HTT: variants seen among roughly 807,000 people sequenced by gnomAD.
HTT encodes huntington disease protein.
In HTT, 104 loss-of-function variants were observed where a neutral mutation model predicts 362.3. That is an observed-to-expected ratio of 0.29 (90% CI 0.24 to 0.34). The LOEUF (loss-of-function observed/expected upper bound fraction) is 0.34. HTT is among the 10% of genes least tolerant of loss of function. The pLI is 1.00. For synonymous variants in HTT, 1,577 were observed against 1,548.7 expected (o/e 1.02, Z -0.43); for missense variants, 3,301 against 3,928.6 (o/e 0.84, Z 4.27).
intron 1 of HTT, among the ~76,000 whole-genome samples, chr4:3,078,382 A>C (rs1712677819): frequency 2.0e-5 from 3 of 152,250 alleles, no homozygotes. Context: ...TAAAATATAC[A>C]GTACGTTAAT....
rs1718313469 is a variant in HTT, at chr4:3,177,977, A to C, written c.4464-321A>C. Among the ~76,000 whole-genome samples, 4 of 152,314 alleles carry C rather than the reference A, an allele frequency of 2.6e-5. No individual in the cohort carries two copies. The South Asian group carries it at 8.3e-4, about 32-fold the overall frequency. On this transcript the variant is annotated intron_variant, in intron 34 of 66. Coordinates refer to ENST00000355072, the MANE Select transcript of HTT (RefSeq NM_001388492.1). Reference sequence around the variant, plus strand: ...TGACACCTCCACTGTGTTTTGGGGCAAGTTACTGTTTCTCTTTTGAGTTTC... The same window carrying C: ...TGACACCTCCACTGTGTTTTGGGGCCAGTTACTGTTTCTCTTTTGAGTTTC...
intron 33 of HTT, among the ~76,000 whole-genome samples, chr4:3,176,243 G>A (rs1387863864): frequency 6.6e-6 from 1 of 152,074 alleles, no homozygotes; most frequent in East Asian, 1.9e-4. Context: ...TAGCCAGGAT[G>A]GTCTCCATCT....
intron 33 of HTT, among the ~76,000 whole-genome samples, chr4:3,176,412 C>T (rs990969238): frequency 5.3e-5 from 8 of 152,258 alleles, no homozygotes; most frequent in Non-Finnish European, 7.4e-5. Flanking sequence ...AAAACCTGTC[C>T]GAAGAAAATC....
chr4:3,123,139 C>G (rs1715367639), intron 10 of HTT: 1 of 410,114 alleles, frequency 2.4e-6, no homozygotes, highest in Non-Finnish European at 4.3e-6. Context: ...TTAAAAATTA[C>G]TTTCATATCA....
Position 3,218,357 on chromosome 4 carries a change from G to T in HTT, c.7242+405G>T, listed in dbSNP as rs970168424. ...GGTTTAAAGTAGGTGTTATTGCCAG[G>T]CGCAGTAGCTCATGCCTGTAATCCC... is the stretch of plus-strand genomic sequence containing the variant. On this transcript the variant is annotated intron_variant, in intron 52 of 66. Coordinates refer to ENST00000355072, the MANE Select transcript of HTT (RefSeq NM_001388492.1). This position sits in a 1 kb window ranked among gnomAD's most constrained non-coding sequence, Gnocchi z 4.4. Among the ~76,000 whole-genome samples, 1 of 152,198 alleles carries T rather than the reference G, an allele frequency of 6.6e-6. No individual in the cohort carries two copies. Among genetic ancestry groups the T allele is most frequent in the Admixed American group, 6.5e-5 (1 of 15,284 alleles).
chr4:3,214,672 TTTAAA>T (rs1170557067), intron 50 of HTT, among the ~76,000 whole-genome samples: 1 of 151,994 alleles, frequency 6.6e-6, no homozygotes, highest in Non-Finnish European at 1.5e-5. Flanking sequence ...GCTTTGTATT[TTTAAA>T]TTAAATGTTA....
At position 3,187,768 on chromosome 4, in the gene HTT, C is replaced by T. The variant is rs772331780; in HGVS notation, c.5107C>T (p.Pro1703Ser). Residue 1703 changes from proline (P) to serine (S), a missense_variant, in exon 39 of 67, where the codon CCG becomes TCG. Physicochemically the swap from Pro to Ser is moderately conservative, Grantham distance 74. Around this residue, in one of 4 missense-constraint regions of HTT, gnomAD observed 2,316 missense variants for 2,658.5 expected, o/e 0.87. Coordinates refer to ENST00000355072, the MANE Select transcript of HTT (RefSeq NM_001388492.1). Reference sequence around the variant, plus strand: ...TCGTATTCAGGAGCTCTCCTTCTCTCCGTATTTAATCTCCTGTACAGTAAT... The same window carrying T: ...TCGTATTCAGGAGCTCTCCTTCTCTTCGTATTTAATCTCCTGTACAGTAAT... ...LSRIQELSFSPYLISCTVINR... is the reference protein window; with the variant it reads ...LSRIQELSFSSYLISCTVINR... 1 of 1,612,930 alleles carries T rather than the reference C, an allele frequency of 6.2e-7. No individual in the cohort carries two copies. Among genetic ancestry groups the T allele is most frequent in the South Asian group, 1.1e-5 (1 of 91,050 alleles).
Position 3,188,960 on chromosome 4 carries a change from A to G in HTT, c.5235A>G (p.Leu1745=), listed in dbSNP as rs1036313822. The G allele has an allele frequency of 3.1e-6, 5 of 1,613,954 alleles. No individual in the cohort carries two copies. The highest frequency in any genetic ancestry group is 2.7e-5 in the African/African-American group (2 of 74,918). The change falls in exon 40 of 67, where the codon TTA becomes TTG. Residue 1745 remains leucine (L), a synonymous_variant. Coordinates refer to ENST00000355072, the MANE Select transcript of HTT (RefSeq NM_001388492.1). ...TTTTGTTTCTTGGAAGGTTTCTATT[A>G]CAACTGGTTGGTATTCTTTTAGAAG... ...LPEETFSRFL[L]QLVGILLEDI...
chr4:3,146,734 A>C (rs1200054902), intron 24 of HTT, 63 bp from the exon 25 acceptor site: 1 of 1,472,802 alleles, frequency 6.8e-7, no homozygotes, highest in Non-Finnish European at 9.5e-7. Flanking sequence ...TTGCAAGAGA[A>C]AGGAAGACTG....
intron 41 of HTT, among the ~76,000 whole-genome samples, chr4:3,202,324 A>G (rs1719621930): frequency 6.6e-6 from 1 of 152,180 alleles, no homozygotes; most frequent in Non-Finnish European, 1.5e-5. Flanking sequence ...TTGAGTTGAC[A>G]GTGGACCTTC....
rs745575339 is a variant in HTT, at chr4:3,122,908, C to G, written c.1293C>G (p.Cys431Trp). 1 of 1,611,610 alleles carries G rather than the reference C, an allele frequency of 6.2e-7. No individual in the cohort carries two copies. The highest frequency in any genetic ancestry group is 2.2e-5 in the East Asian group (1 of 44,830). ...TTGCAGCTGGAGGGGGTTCCTCATG[C>G]AGCCCTGTCCTTTCAAGAAAACAAA... ...VELIAGGGSS[C>W]SPVLSRKQKG... is the part of the protein sequence containing the mutation. Residue 431 changes from cysteine to tryptophan, a missense_variant, in exon 10 of 67, where the codon TGC (cysteine) becomes TGG (tryptophan). By Grantham distance (215) the Cys-to-Trp change is radical. This residue lies in a region of HTT where 2,316 missense variants were observed against 2,658.5 expected (regional missense o/e 0.87). Transcript: ENST00000355072.
At chr4:3,124,688 T>G (rs1715443090) in intron 10 of HTT, among the ~76,000 whole-genome samples, 1 of 152,256 alleles carries the variant, frequency 6.6e-6, no homozygotes, top group African/African-American at 2.4e-5. Context: ...GAACTTATTT[T>G]GTAATAAAGT....
chr4:3,238,095 G>C (rs1408398971), intron 64 of HTT, among the ~76,000 whole-genome samples: 1 of 150,802 alleles, frequency 6.6e-6, no homozygotes, highest in African/African-American at 2.5e-5. Flanking sequence ...CTCCTCTTAG[G>C]AGTTCTGGTC....
chr4:3,209,196 A>G (rs1720016392), intron 46 of HTT, among the ~76,000 whole-genome samples: 1 of 152,164 alleles, frequency 6.6e-6, no homozygotes, highest in African/African-American at 2.4e-5. Flanking sequence ...ACAGGCCTTC[A>G]AGCACATGTC....
chr4:3,116,258 G>C lies in HTT; in HGVS notation c.1063G>C (p.Val355Leu). 1 of 1,608,872 alleles carries C rather than the reference G, an allele frequency of 6.2e-7. No homozygotes were observed. The highest frequency in any genetic ancestry group is 8.5e-7 in the Non-Finnish European group (1 of 1,175,498). Reference sequence around the variant, plus strand: ...AGTCTCTCCTTCTGCAGAGCAGCTTGTCCAGGTAGGAGCACAGGGTTTACT... The same window carrying C: ...AGTCTCTCCTTCTGCAGAGCAGCTTCTCCAGGTAGGAGCACAGGGTTTACT... The part of the protein sequence containing the change: ...MEVSPSAEQL[V>L]QVYELTLHHT... Residue 355 changes from valine to leucine, a missense_variant, in exon 8 of 67, where the codon GTC becomes CTC. Val to Leu is a conservative substitution (Grantham distance 32). Transcript: ENST00000355072.
chr4:3,110,304 T>G (rs893314788), intron 6 of HTT, among the ~76,000 whole-genome samples: 5 of 152,194 alleles, frequency 3.3e-5, no homozygotes, highest in African/African-American at 1.2e-4. Context: ...CCTTCCAACT[T>G]CTTTGTAATA....
intron 59 of HTT, among the ~76,000 whole-genome samples, 169 bp from the exon 60 acceptor site, chr4:3,229,718 C>T (rs891873088): frequency 6.6e-6 from 1 of 152,182 alleles, no homozygotes; most frequent in African/African-American, 2.4e-5. Context: ...CACGCACCCA[C>T]ACAGACACAG....
chr4:3,204,112 A>C lies in HTT; in HGVS notation c.5682A>C (p.Val1894=), dbSNP rs1006427616. Residue 1894 remains valine, a synonymous_variant, in exon 42 of 67, where the codon GTA becomes GTC. Coordinates refer to ENST00000355072, the MANE Select transcript of HTT (RefSeq NM_001388492.1). ...TTGGAATGTGCAATAGAGAAATAGTACGAAGAGGGGCTCTCATTCTCTTCT... is the reference window on the plus strand; with the variant it reads ...TTGGAATGTGCAATAGAGAAATAGTCCGAAGAGGGGCTCTCATTCTCTTCT... ...AKLGMCNREI[V]RRGALILFCD... is the part of the protein sequence containing the mutation. 3 of 1,614,094 alleles carry C rather than the reference A, an allele frequency of 1.9e-6. No homozygotes were observed. In the African/African-American group the frequency reaches 4.0e-5, roughly 22 times the overall value.
At chr4:3,138,084 CCT>C (rs1716158285) in intron 21 of HTT, among the ~76,000 whole-genome samples, 2 of 150,980 alleles carry the variant, frequency 1.3e-5, no homozygotes, top group Non-Finnish European at 3.0e-5. Context: ...TTCCTTCCTT[CCT>C]TCCTTCCTTC....
Sources: allele counts gnomAD v4.1 joint callset (sites outside exome capture counted in the v4.1 genomes callset), GRCh38; gene constraint gnomAD v4.1.1; regional missense constraint gnomAD v4.1.1; non-coding constraint Gnocchi (gnomAD v3.1); transcripts MANE v1.5; gene names NCBI Gene and HGNC (gene_info 2026-07-23, HGNC 2026-07-21).